The following SUPT3H variants were observed in gnomAD, a reference collection of about 807,000 sequenced individuals.
The protein encoded by SUPT3H is SPT3 homolog, SAGA and STAGA complex component.
A neutral mutation model predicts 44.3 loss-of-function variants in SUPT3H; 44 were observed. That is an observed-to-expected ratio of 0.99 (90% CI 0.78 to 1.28). SUPT3H has a LOEUF of 1.28. Ranked by LOEUF, SUPT3H falls within the 50% of genes most tolerant of loss-of-function variation. The probability of loss-of-function intolerance (pLI) is 0.00; values close to 1 mark genes in which losing one functional copy is unlikely to be tolerated. For synonymous variants in SUPT3H, 124 were observed against 125.6 expected, an observed-to-expected ratio of 0.99 and a Z score of 0.09; for missense variants, 380 against 387.1, an observed-to-expected ratio of 0.98 and a Z score of 0.15.
At chr6:45,337,202 A>C (rs2150114347) in intron 2 of SUPT3H, among the ~76,000 whole-genome samples, 1 of 151,856 alleles carries the variant, frequency 6.6e-6, no homozygotes, top group South Asian at 2.1e-4. Context: ...TTTTTTCTAA[A>C]CTGGCAAGAC....
chr6:45,054,464 T>C (rs1377858896), intron 3 of SUPT3H, among the ~76,000 whole-genome samples: 1 of 152,216 alleles, frequency 6.6e-6, no homozygotes, highest in Non-Finnish European at 1.5e-5. Context: ...TAATGTAGCA[T>C]AAAAATAGTT....
At chr6:44,911,468 G>T (rs1767036368) in intron 10 of SUPT3H, among the ~76,000 whole-genome samples, 1 of 152,110 alleles carries the variant, frequency 6.6e-6, no homozygotes, top group Non-Finnish European at 1.5e-5. Context: ...AATACTTCTG[G>T]AATTTATGCC....
chr6:45,014,624 A>C (rs1483876855), intron 5 of SUPT3H, among the ~76,000 whole-genome samples, 177 bp downstream of exon 5: 1 of 152,152 alleles, frequency 6.6e-6, no homozygotes, highest in Non-Finnish European at 1.5e-5. Context: ...TTAAATAGGT[A>C]ACACGGTATA....
intron 6 of SUPT3H, among the ~76,000 whole-genome samples, chr6:44,970,184 A>G (rs1206346824): frequency 1.3e-5 from 2 of 152,146 alleles, no homozygotes; most frequent in African/African-American, 2.4e-5. Flanking sequence ...TATAATGAAA[A>G]ATGTAGTTAT....
In SUPT3H at chr6:45,106,277, C is replaced by A. The variant is rs541943172; in HGVS notation, c.102-271G>T. ...TGAAACTCCGCCTCTACAATAAATA[C>A]AAAAATTAGCCGGAAGCAGTGGCAT... On this transcript the variant is annotated intron_variant, in intron 2 of 10. Transcript: ENST00000371459. Among the ~76,000 whole-genome samples, 215 of 152,094 alleles carry A rather than the reference C, an allele frequency of 1.4e-3. No individual in the cohort carries two copies. The highest frequency in any genetic ancestry group is 2.5e-3 in the Admixed American group (38 of 15,270).
In SUPT3H at chr6:44,954,572, A is replaced by G. The variant is rs1340019248; in HGVS notation, c.616T>C (p.Cys206Arg). Residue 206 changes from cysteine (C) to arginine (R), a missense_variant, in exon 8 of 11, where the codon TGC becomes CGC. By Grantham distance (180) the Cys-to-Arg change is radical. Transcript: ENST00000371459. ...TTGGGTTTTATCTCCATACTGCTGC[A>G]GTCCAACCAGTCTCGAAATTTGGAA... is the stretch of plus-strand genomic sequence containing the variant. ...KASKFRDWLD[C>R]SSMEIKPNVV... 6.2e-7 allele frequency: 1 copy of G among 1,613,642 alleles called. No individual in the cohort carries two copies. Among genetic ancestry groups the G allele is most frequent in the Non-Finnish European group, 8.5e-7 (1 of 1,179,928 alleles).
intron 2 of SUPT3H, among the ~76,000 whole-genome samples, chr6:45,267,324 T>C (rs1775419278): frequency 6.6e-6 from 1 of 152,188 alleles, no homozygotes; most frequent in Non-Finnish European, 1.5e-5. Context: ...ATCCCTTACT[T>C]CTTCAATCTA....
intron 3 of SUPT3H, among the ~76,000 whole-genome samples, chr6:45,097,010 G>A (rs768836829): frequency 2.6e-5 from 4 of 152,110 alleles, no homozygotes; most frequent in Non-Finnish European, 5.9e-5. Flanking sequence ...CAAAGAGAGT[G>A]TAGTATAATA....
intron 2 of SUPT3H, among the ~76,000 whole-genome samples, chr6:45,162,479 A>G (rs1259568554): frequency 6.6e-6 from 1 of 152,158 alleles, no homozygotes; most frequent in Non-Finnish European, 1.5e-5. Flanking sequence ...AGCCAAGATC[A>G]TGCCACTGCA....
chr6:45,240,123 A>T (rs889320331), intron 2 of SUPT3H, among the ~76,000 whole-genome samples: 1 of 152,162 alleles, frequency 6.6e-6, no homozygotes, highest in Non-Finnish European at 1.5e-5. Context: ...GCCAATTTGG[A>T]TACCATCAAG....
chr6:45,150,705 T>C (rs1457903748), intron 2 of SUPT3H, among the ~76,000 whole-genome samples: 4 of 148,226 alleles, frequency 2.7e-5, no homozygotes, highest in Non-Finnish European at 4.4e-5. Flanking sequence ...CTTCTACTTA[T>C]AATCTTTATT....
chr6:45,242,080 T>G (rs1387964278), intron 2 of SUPT3H, among the ~76,000 whole-genome samples: 2 of 152,346 alleles, frequency 1.3e-5, no homozygotes, highest in East Asian at 3.9e-4. Flanking sequence ...GCAAATTTAC[T>G]TGACTTGGTC....
At chr6:45,090,313 T>C (rs1796976647) in intron 3 of SUPT3H, among the ~76,000 whole-genome samples, 1 of 152,048 alleles carries the variant, frequency 6.6e-6, no homozygotes, top group Non-Finnish European at 1.5e-5. Flanking sequence ...ATTCTCTCTT[T>C]TGGAGAACAG....
At chr6:44,952,454 A>G (rs1187934765) in intron 9 of SUPT3H, among the ~76,000 whole-genome samples, 1 of 152,212 alleles carries the variant, frequency 6.6e-6, no homozygotes, top group African/African-American at 2.4e-5. Context: ...AGGAGTAGAA[A>G]TGTGTAATCA....
At chr6:45,296,018 T>G (rs949273292) in intron 2 of SUPT3H, among the ~76,000 whole-genome samples, 1 of 152,056 alleles carries the variant, frequency 6.6e-6, no homozygotes, top group Non-Finnish European at 1.5e-5. Context: ...AAAAGATACT[T>G]GCACACACGT....
intron 11 of SUPT3H, among the ~76,000 whole-genome samples, chr6:44,816,670 AC>A (rs1430200851): frequency 2.0e-5 from 3 of 152,192 alleles, no homozygotes; most frequent in African/African-American, 7.2e-5. Flanking sequence ...TGATATAAAA[AC>A]CAGAAATGAG....
At chr6:45,055,926 A>G (rs969365902) in intron 3 of SUPT3H, among the ~76,000 whole-genome samples, 7 of 152,098 alleles carry the variant, frequency 4.6e-5, no homozygotes, top group Non-Finnish European at 8.8e-5. Context: ...AACTCTGCAT[A>G]TAACAAAGGA....
At chr6:44,951,221 T>A (rs1257246564) in intron 9 of SUPT3H, among the ~76,000 whole-genome samples, 1 of 150,680 alleles carries the variant, frequency 6.6e-6, no homozygotes, top group Non-Finnish European at 1.5e-5. Flanking sequence ...AGTCTTTGAC[T>A]GCAACTAGAG....
At chr6:44,823,818 C>T (rs960023998), downstream of SUPT3H, among the ~76,000 whole-genome samples, 1 of 152,136 alleles carries the variant, frequency 6.6e-6, no homozygotes, top group Non-Finnish European at 1.5e-5. Context: ...AAAAAATTAG[C>T]TGGGCGTGGT....
Sources: allele counts gnomAD v4.1 joint callset (sites outside exome capture counted in the v4.1 genomes callset), GRCh38; gene constraint gnomAD v4.1.1; transcripts MANE v1.5; gene names NCBI Gene and HGNC (gene_info 2026-07-23, HGNC 2026-07-21).